Variants in LRP1B observed in about 807,000 individuals in gnomAD.
The protein encoded by LRP1B is LDL receptor related protein 1B.
A neutral mutation model predicts 556.6 loss-of-function variants in LRP1B; 217 were observed. The observed-to-expected ratio is 0.39, with a 90% confidence interval of 0.35 to 0.44. The LOEUF is 0.44. Among genes scored for constraint, LRP1B ranks in the 20% least tolerant of loss-of-function variants. LRP1B has a pLI of 1.00. For missense variants in LRP1B, 5,053 were observed against 5,620.8 expected, an observed-to-expected ratio of 0.90 and a Z score of 3.23; for synonymous variants, 2,047 against 1,865.8, an observed-to-expected ratio of 1.10 and a Z score of -2.50.
intron 66 of LRP1B, among the ~76,000 whole-genome samples, chr2:140,410,556 A>C (rs149509144): frequency 6.6e-6 from 1 of 152,246 alleles, no homozygotes; most frequent in African/African-American, 2.4e-5. Flanking sequence ...AGTCCAAAAA[A>C]ACACTATGCT....
At chr2:140,284,362 G>A (rs1356823930) in intron 84 of LRP1B, among the ~76,000 whole-genome samples, 1 of 124,246 alleles carries the variant, frequency 8.0e-6, no homozygotes, top group East Asian at 2.6e-4. Context: ...TCGAAAACTG[G>A]AAAGGAATTC....
At chr2:141,841,767 T>C (rs1255493587) in intron 1 of LRP1B, among the ~76,000 whole-genome samples, 1 of 152,202 alleles carries the variant, frequency 6.6e-6, no homozygotes. Context: ...ATATGGGTTA[T>C]TGACAGGTCC....
intron 41 of LRP1B, among the ~76,000 whole-genome samples, chr2:140,642,838 T>C (rs1684350547): frequency 6.6e-6 from 1 of 151,884 alleles, no homozygotes; most frequent in Non-Finnish European, 1.5e-5. Flanking sequence ...AGCGAGACTC[T>C]GTCTCAGAAA....
At chr2:140,774,620 T>A (rs1006301844) in intron 33 of LRP1B, among the ~76,000 whole-genome samples, 1 of 152,186 alleles carries the variant, frequency 6.6e-6, no homozygotes, top group East Asian at 1.9e-4. Context: ...TACGATCTCA[T>A]ATGTATGCGT....
intron 43 of LRP1B, among the ~76,000 whole-genome samples, chr2:140,559,608 G>A (rs575051069): frequency 2.7e-4 from 41 of 152,154 alleles, no homozygotes; most frequent in African/African-American, 8.7e-4. Flanking sequence ...AAAAACTGAC[G>A]AGGCATGTCA....
At position 140,378,242 on chromosome 2, in the gene LRP1B, C is replaced by T. The variant is rs760658860; in HGVS notation, c.10576G>A (p.Asp3526Asn). Reference protein sequence around the residue: ...TLKDFLCANGDCVSSRFWCDG... With the variant: ...TLKDFLCANGNCVSSRFWCDG... ...CACCAAAACCTTGAAGAAACACAGT[C>T]CCCATTGGCACAGAGGAAATCTTTC... is the stretch of plus-strand genomic sequence containing the variant. The change falls in exon 68 of 91, where the codon GAC (aspartate) becomes AAC (asparagine). Residue 3526 changes from aspartate to asparagine, a missense_variant. Coordinates refer to ENST00000389484, the MANE Select transcript of LRP1B (RefSeq NM_018557.3). 6.2e-7 allele frequency: 1 copy of T among 1,613,592 alleles called. No individual in the cohort carries two copies. The highest frequency in any genetic ancestry group is 2.2e-5 in the East Asian group (1 of 44,850).
rs565354735 is a variant in LRP1B at position 142,096,189 on chromosome 2, G to T, written c.82+34459C>A. Reference sequence around the variant, plus strand: ...AGGATATATAAATGATATTAAGGGAGAAATTTATCAGTTTTGTGGGATATT... The same window carrying T: ...AGGATATATAAATGATATTAAGGGATAAATTTATCAGTTTTGTGGGATATT... On this transcript the variant is annotated intron_variant, in intron 1 of 90. Transcript: ENST00000389484. 8.6e-5 allele frequency among the ~76,000 whole-genome samples: 13 copies of T among 151,784 alleles called. No individual in the cohort carries two copies. In the South Asian group the frequency reaches 2.3e-3, roughly 27 times the overall value.
intron 7 of LRP1B, among the ~76,000 whole-genome samples, chr2:141,111,719 C>T (rs905944212): frequency 1.3e-5 from 2 of 152,104 alleles, no homozygotes; most frequent in Middle Eastern, 3.2e-3. Context: ...GCTCTCAAGA[C>T]CCCTCTCTTT....
intron 6 of LRP1B, among the ~76,000 whole-genome samples, chr2:141,224,531 G>A (rs945417741): frequency 6.6e-5 from 10 of 152,202 alleles, no homozygotes; most frequent in African/African-American, 2.2e-4. Flanking sequence ...ATAGATGCAC[G>A]TGTATGTTCA....
chr2:140,246,688 A>T (rs574288661), intron 87 of LRP1B, among the ~76,000 whole-genome samples: 76 of 151,604 alleles, frequency 5.0e-4, no homozygotes, highest in African/African-American at 1.8e-3. Flanking sequence ...TCTCCCCCCA[A>T]GACACATTGA....
chr2:140,967,954 TGA>T (rs1251967189), intron 18 of LRP1B, among the ~76,000 whole-genome samples: 17 of 141,116 alleles, frequency 1.2e-4, no homozygotes, highest in Admixed American at 1.1e-3. Flanking sequence ...AGTATTTTAT[TGA>T]GGATTTTTGC....
chr2:140,326,259 T>C (rs767532404), intron 79 of LRP1B, among the ~76,000 whole-genome samples: 1 of 152,206 alleles, frequency 6.6e-6, no homozygotes, highest in Non-Finnish European at 1.5e-5. Context: ...TTAAATCATT[T>C]ATCGGACCAT....
At chr2:140,896,712 C>T (rs1374793665) in intron 23 of LRP1B, among the ~76,000 whole-genome samples, 7 of 152,076 alleles carry the variant, frequency 4.6e-5, no homozygotes, top group Non-Finnish European at 1.0e-4. Context: ...AATGCCTGGG[C>T]TCAATAGATC....
At chr2:141,490,596 T>C (rs1049163531) in intron 2 of LRP1B, among the ~76,000 whole-genome samples, 2 of 152,076 alleles carry the variant, frequency 1.3e-5, no homozygotes, top group Non-Finnish European at 2.9e-5. Context: ...GTTATAGCCT[T>C]AGAAATAAGA....
At chr2:141,194,089 T>G (rs1303188250) in intron 6 of LRP1B, among the ~76,000 whole-genome samples, 3 of 152,152 alleles carry the variant, frequency 2.0e-5, no homozygotes, top group African/African-American at 7.2e-5. Context: ...TTATCTGTAA[T>G]TTTGCAATCT....
At chr2:140,509,807 C>T (rs1689575082) in intron 52 of LRP1B, 121 bp downstream of exon 52, 2 of 1,366,496 alleles carry the variant, frequency 1.5e-6, no homozygotes, top group South Asian at 1.4e-5. Flanking sequence ...TCCAATACTA[C>T]CTATGGGCCC....
At chr2:141,079,203 C>T (rs953011552) in intron 7 of LRP1B, among the ~76,000 whole-genome samples, 3 of 152,144 alleles carry the variant, frequency 2.0e-5, no homozygotes, top group Admixed American at 6.5e-5. Flanking sequence ...TTCAGACTTC[C>T]TGTCTTTCTT....
At chr2:140,412,441 G>A (rs954423668) in intron 66 of LRP1B, among the ~76,000 whole-genome samples, 1 of 151,984 alleles carries the variant, frequency 6.6e-6, no homozygotes, top group Non-Finnish European at 1.5e-5. Flanking sequence ...GTATGCAAAT[G>A]CAGGTAAATA....
chr2:141,639,302 GTGTATATATATATATATATATATATA>G (rs1372514894), intron 2 of LRP1B, among the ~76,000 whole-genome samples: 7 of 33,004 alleles, frequency 2.1e-4, no homozygotes, highest in Non-Finnish European at 4.2e-4. Context: ...CGCATCATGT[GTGTATATATATATATATATATATATA>G]TATATATATA....
Sources: allele counts gnomAD v4.1 joint callset (sites outside exome capture counted in the v4.1 genomes callset), GRCh38; gene constraint gnomAD v4.1.1; transcripts MANE v1.5; gene names NCBI Gene and HGNC (gene_info 2026-07-23, HGNC 2026-07-21).